The following NUDT19 variants were observed in gnomAD, a reference collection of about 807,000 sequenced individuals.
The protein encoded by NUDT19 is nudix hydrolase 19, also known as acyl-coenzyme A diphosphatase NUDT19.
Under a neutral mutation model 22.2 loss-of-function variants are expected in NUDT19, and 31 were observed. The observed-to-expected ratio is 1.40, with a 90% CI of 1.05 to 1.89. NUDT19 has a LOEUF of 1.89. Among genes scored for constraint, NUDT19 ranks in the 40% most tolerant of loss-of-function variants. NUDT19 has a pLI of 0.00. For missense variants in NUDT19, 752 were observed against 514.2 expected (o/e 1.46, Z -4.47); for synonymous variants, 325 against 230.8 (o/e 1.41, Z -3.70).
intron 1 of NUDT19, among the ~76,000 whole-genome samples, chr19:32,700,226 C>T (rs559901278): frequency 9.9e-5 from 15 of 152,106 alleles, no homozygotes; most frequent in South Asian, 2.1e-4. Flanking sequence ...TTTTACAGAG[C>T]GCTGATTGGT....
intron 1 of NUDT19, among the ~76,000 whole-genome samples, chr19:32,707,307 C>T (rs762009167): frequency 1.3e-5 from 2 of 152,030 alleles, no homozygotes; most frequent in African/African-American, 4.8e-5. Flanking sequence ...TTTTTAAATG[C>T]CATTTTGGCC....
rs1163329435 is a variant in NUDT19, at chr19:32,712,718, G to T, written c.*761G>T. ...TGTTTCTTATATCAGGTGTTTTAGG[G>T]AGCTCGCTTGCTTATTCCATTCTTT... is the stretch of plus-strand genomic sequence containing the variant. On this transcript the variant is annotated 3_prime_UTR_variant, in exon 3 of 3. Transcript: ENST00000397061. The T allele has an allele frequency of 6.6e-6, 1 of 152,092 alleles. No homozygotes were observed. Among genetic ancestry groups the T allele is most frequent in the Non-Finnish European group, 1.5e-5 (1 of 68,012 alleles). The allele number at this position is 152,092 out of a possible 1,614,324, so 9.4% of individuals were successfully genotyped here.
intron 1 of NUDT19, among the ~76,000 whole-genome samples, chr19:32,697,592 A>T (rs544952411): frequency 6.6e-6 from 1 of 152,214 alleles, no homozygotes; most frequent in Non-Finnish European, 1.5e-5. Context: ...GTGGGGATCC[A>T]TACTGACTTA....
At position 32,711,846 on chromosome 19, in the gene NUDT19, T is replaced by G. The variant is rs1968450834; in HGVS notation, c.1017T>G (p.Phe339Leu). The G allele has an allele frequency of 1.2e-6, 2 of 1,613,852 alleles. No individual in the cohort carries two copies. The highest frequency in any genetic ancestry group is 3.3e-5 in the Admixed American group (2 of 60,014). ...AAATCATGAAGGAAGGCAAGCAGTT[T>G]CACCGGATAGTGACATACCATCGCC... ...TEEIMKEGKQ[F>L]HRIVTYHRHL... The change falls in exon 3 of 3, where the codon TTT becomes TTG. Residue 339 changes from phenylalanine (F) to leucine (L), a missense_variant. Transcript: ENST00000397061.
At position 32,692,193 on chromosome 19, in the gene NUDT19, G is replaced by A. The variant is rs1295552549; in HGVS notation, c.233G>A (p.Gly78Asp). ...GCCGACCGCTCGGCGGACTGGCTGG[G>A]CCTCTTCGCGCCGCACCACGGGCCG... is the stretch of plus-strand genomic sequence containing the variant. ...DAADRSADWL[G>D]LFAPHHGPPR... The change falls in exon 1 of 3, where the codon GGC (glycine) becomes GAC (aspartate). Residue 78 changes from glycine (G) to aspartate (D), a missense_variant. Transcript: ENST00000397061. 1 of 1,570,010 alleles carries A rather than the reference G, an allele frequency of 6.4e-7. No homozygotes were observed. The highest frequency in any genetic ancestry group is 8.6e-7 in the Non-Finnish European group (1 of 1,168,142).
intron 1 of NUDT19, among the ~76,000 whole-genome samples, chr19:32,697,599 C>T (rs1239430350): frequency 6.6e-6 from 1 of 152,198 alleles, no homozygotes; most frequent in Non-Finnish European, 1.5e-5. Context: ...TCCATACTGA[C>T]TTACTGACAT....
At chr19:32,700,555 G>A (rs747176741) in intron 1 of NUDT19, among the ~76,000 whole-genome samples, 32 of 152,202 alleles carry the variant, frequency 2.1e-4, no homozygotes, top group South Asian at 4.2e-4. Flanking sequence ...TCAGCTTCCC[G>A]GGTAGCTGGG....
At chr19:32,699,726 G>A (rs1452379901) in intron 1 of NUDT19, among the ~76,000 whole-genome samples, 2 of 152,230 alleles carry the variant, frequency 1.3e-5, no homozygotes, top group Non-Finnish European at 2.9e-5. Flanking sequence ...TCACCAAAAT[G>A]TGTCCAGAAT....
chr19:32,702,743 C>T (rs1968349046), intron 1 of NUDT19, among the ~76,000 whole-genome samples: 1 of 152,078 alleles, frequency 6.6e-6, no homozygotes, highest in Non-Finnish European at 1.5e-5. Flanking sequence ...TCATATCTAC[C>T]ATCTTACTGC....
At chr19:32,701,525 C>T (rs1968336242) in intron 1 of NUDT19, among the ~76,000 whole-genome samples, 1 of 152,098 alleles carries the variant, frequency 6.6e-6, no homozygotes, top group African/African-American at 2.4e-5. Flanking sequence ...ATATCATTTC[C>T]TTGTTTCATC....
At chr19:32,699,169 A>C (rs1968302826) in intron 1 of NUDT19, among the ~76,000 whole-genome samples, 1 of 152,202 alleles carries the variant, frequency 6.6e-6, no homozygotes, top group Non-Finnish European at 1.5e-5. Flanking sequence ...TAAAGAAGGT[A>C]ACAGAGTCCT....
Position 32,692,465 on chromosome 19 carries a change from G to C in NUDT19, c.505G>C (p.Asp169His). ...ACCGCCGGGCCTGGCCTCCTGGCGC[G>C]ACCGCGTGCGCCAGGACCCGCGCCA... ...EPPPGLASWR[D>H]RVRQDPRHFL... is the part of the protein sequence containing the mutation. Residue 169 changes from aspartate to histidine, a missense_variant, in exon 1 of 3, where the codon GAC becomes CAC. Asp to His is a moderately conservative substitution (Grantham distance 81). Transcript: ENST00000397061. The C allele has an allele frequency of 1.9e-6, 3 of 1,546,050 alleles. No individual in the cohort carries two copies. Among genetic ancestry groups the C allele is most frequent in the Non-Finnish European group, 2.6e-6 (3 of 1,150,292 alleles).
chr19:32,708,926 C>A (rs1304896963), intron 1 of NUDT19, among the ~76,000 whole-genome samples: 1 of 152,180 alleles, frequency 6.6e-6, no homozygotes, highest in Non-Finnish European at 1.5e-5. Context: ...CTGAACAGCT[C>A]TCCCAGGTCA....
chr19:32,712,006 A>C lies in NUDT19; in HGVS notation c.*49A>C. On this transcript the variant is annotated 3_prime_UTR_variant, in exon 3 of 3. Coordinates refer to ENST00000397061, the MANE Select transcript of NUDT19 (RefSeq NM_001105570.2). ...TGGCCTACTTGAAGTCCTCATGAAT[A>C]ATGAGGGTTGACTTTCATTTGCTTG... 14 of 1,169,658 alleles carry C rather than the reference A, an allele frequency of 1.2e-5. No homozygotes were observed. The highest frequency in any genetic ancestry group is 1.7e-5 in the Non-Finnish European group (13 of 779,476). The allele number at this position is 1,169,658 out of a possible 1,614,324, so 72.5% of individuals were successfully genotyped here. A position where few individuals can be genotyped will look rare whatever the true frequency, so the allele number is the denominator to read the frequency against.
intron 1 of NUDT19, among the ~76,000 whole-genome samples, chr19:32,696,388 C>CCTTA (rs34904183): frequency 0.35 from 53,629 of 151,740 alleles, 9,565 homozygotes; most frequent in African/African-American, 0.42. Context: ...GTATCAGTTT[C>CCTTA]CTTAGGTATG....
chr19:32,703,859 C>T (rs1968360678), intron 1 of NUDT19, among the ~76,000 whole-genome samples: 2 of 151,610 alleles, frequency 1.3e-5, no homozygotes, highest in Admixed American at 6.6e-5. Flanking sequence ...GATGAGTTTT[C>T]ACCATGTTGG....
At chr19:32,707,774 C>G (rs973719716) in intron 1 of NUDT19, among the ~76,000 whole-genome samples, 4 of 151,894 alleles carry the variant, frequency 2.6e-5, no homozygotes, top group Non-Finnish European at 5.9e-5. Flanking sequence ...GTCAGGAGAT[C>G]GAGACCATCC....
At chr19:32,708,145 CAAAA>C (rs1223120626) in intron 1 of NUDT19, among the ~76,000 whole-genome samples, 2 of 92,958 alleles carry the variant, frequency 2.2e-5, no homozygotes, top group African/African-American at 3.9e-5. Flanking sequence ...AGTACTCGGT[CAAAA>C]AAAAAAAAAA....
At chr19:32,697,024 G>C (rs773770699) in intron 1 of NUDT19, among the ~76,000 whole-genome samples, 3 of 152,130 alleles carry the variant, frequency 2.0e-5, no homozygotes, top group African/African-American at 2.4e-5. Context: ...TAGTGGACAT[G>C]GGCGAGGGGG....
Sources: gnomAD v4.1 joint callset for allele counts (sites outside exome capture counted in the v4.1 genomes callset) on GRCh38, gnomAD v4.1.1 for gene constraint, MANE v1.5 for transcripts, NCBI Gene and HGNC (gene_info 2026-07-23, HGNC 2026-07-21) for gene names.